Variants in LMNTD1 observed in about 807,000 individuals in gnomAD.
LMNTD1 encodes lamin tail domain-containing protein 1.
In LMNTD1, 35 loss-of-function variants were observed where a neutral mutation model predicts 50.9. That is an observed-to-expected ratio of 0.69 (90% CI 0.53 to 0.91). The LOEUF is 0.91. LMNTD1 is among the 40% of genes least tolerant of loss of function. The pLI is 0.00. For synonymous variants in LMNTD1, 153 were observed against 161.9 expected (o/e 0.94, Z 0.42); for missense variants, 470 against 475.5 (o/e 0.99, Z 0.11).
At chr12:25,540,988 A>G (rs1339252105) in intron 4 of LMNTD1, among the ~76,000 whole-genome samples, 1 of 135,794 alleles carries the variant, frequency 7.4e-6, no homozygotes. Flanking sequence ...TGCTTCAAAG[A>G]GAATAAAATA....
chr12:25,594,651 C>CAAAAAAAA (rs61299586), intron 1 of LMNTD1, among the ~76,000 whole-genome samples: 738 of 69,842 alleles, frequency 0.011, no homozygotes, highest in Non-Finnish European at 0.013. Context: ...AACAGAAATA[C>CAAAAAAAA]AAAAAAAAAA....
intron 1 of LMNTD1, among the ~76,000 whole-genome samples, chr12:25,626,885 A>C (rs1001079593): frequency 6.6e-6 from 1 of 152,254 alleles, no homozygotes; most frequent in Non-Finnish European, 1.5e-5. Context: ...TTGATCAAAA[A>C]GATTTATTTT....
intron 9 of LMNTD1, among the ~76,000 whole-genome samples, chr12:25,499,554 G>A (rs1169532750): frequency 6.6e-6 from 1 of 152,086 alleles, no homozygotes; most frequent in Admixed American, 6.5e-5. Flanking sequence ...TTTACTTCTG[G>A]TTTTGAATAT....
rs35389461 is a variant in LMNTD1, at chr12:25,516,456, TA to T, written c.1189+2338del. Reference sequence around the variant, plus strand: ...AATAAGTTGTTCTGAATAAGTAAACTAGTGAAGATGATCATTAATTAAAGAA... The same window carrying T: ...AATAAGTTGTTCTGAATAAGTAAACTGTGAAGATGATCATTAATTAAAGAA... On this transcript the variant is annotated intron_variant, in intron 8 of 9. Coordinates refer to ENST00000458174, the MANE Select transcript of LMNTD1 (RefSeq NM_001145728.2). 5.7e-3 allele frequency among the ~76,000 whole-genome samples: 870 copies of T among 152,300 alleles called. 9 individuals are homozygous for T. The highest frequency in any genetic ancestry group is 0.031 in the Middle Eastern group (9 of 294).
chr12:25,495,330 T>C (rs1939026243), intron 9 of LMNTD1, among the ~76,000 whole-genome samples: 1 of 151,502 alleles, frequency 6.6e-6, no homozygotes, highest in South Asian at 2.1e-4. Flanking sequence ...TATAAAGCAG[T>C]AGGTAAAGTT....
intron 6 of LMNTD1, 28 bp from the exon 7 acceptor site, chr12:25,520,103 C>T (rs1303033391): frequency 1.4e-6 from 2 of 1,411,056 alleles, no homozygotes; most frequent in African/African-American, 1.5e-5. Context: ...TTAATGTTGG[C>T]TATGTATATT....
At chr12:25,646,251 A>G (rs752270439) in intron 1 of LMNTD1, among the ~76,000 whole-genome samples, 3 of 151,832 alleles carry the variant, frequency 2.0e-5, no homozygotes, top group Non-Finnish European at 4.4e-5. Flanking sequence ...GCATATGGAA[A>G]GTAGAGCTCA....
intron 1 of LMNTD1, among the ~76,000 whole-genome samples, chr12:25,574,066 G>A (rs893729193): frequency 1.4e-4 from 21 of 152,124 alleles, no homozygotes; most frequent in African/African-American, 5.1e-4. Context: ...CTTTAGGACA[G>A]AACTCAATGC....
intron 8 of LMNTD1, among the ~76,000 whole-genome samples, chr12:25,509,660 C>T (rs947244551): frequency 2.0e-5 from 3 of 152,038 alleles, no homozygotes; most frequent in Non-Finnish European, 2.9e-5. Flanking sequence ...ATAGGGTATT[C>T]GGAGATGTAA....
chr12:25,541,467 G>T (rs1273717087), intron 4 of LMNTD1, among the ~76,000 whole-genome samples: 1 of 123,820 alleles, frequency 8.1e-6, no homozygotes, highest in African/African-American at 2.9e-5. Context: ...ACAAGCAATG[G>T]GGAAAGGATT....
At chr12:25,598,677 A>T (rs182279036) in intron 1 of LMNTD1, among the ~76,000 whole-genome samples, 1 of 146,814 alleles carries the variant, frequency 6.8e-6, no homozygotes, top group Admixed American at 7.0e-5. Context: ...ATTACAATTG[A>T]TACTGCAGAA....
Position 25,553,097 on chromosome 12 carries a change from G to C in LMNTD1, c.-59C>G. On this transcript the variant is annotated 5_prime_UTR_variant, in exon 1 of 10. Transcript: ENST00000458174. The stretch of plus-strand genomic sequence containing the variant: ...TTAATCCAACTACCTTCAAGCATCA[G>C]CTAGGTTTAATAATTTCTTTACCAA... 6.2e-7 allele frequency: 1 copy of C among 1,613,542 alleles called. No homozygotes were observed. The highest frequency in any genetic ancestry group is 8.5e-7 in the Non-Finnish European group (1 of 1,179,840).
chr12:25,523,269 T>A (rs1941474253), intron 6 of LMNTD1, among the ~76,000 whole-genome samples: 1 of 152,166 alleles, frequency 6.6e-6, no homozygotes, highest in Non-Finnish European at 1.5e-5. Context: ...CCTGACCTTG[T>A]GATCCGCCCG....
chr12:25,586,461 T>A (rs1945526772), intron 1 of LMNTD1, among the ~76,000 whole-genome samples: 1 of 152,206 alleles, frequency 6.6e-6, no homozygotes, highest in Non-Finnish European at 1.5e-5. Flanking sequence ...GTCTTATTTC[T>A]TAGTAGCAAA....
At chr12:25,540,897 T>C (rs1028051998) in intron 4 of LMNTD1, among the ~76,000 whole-genome samples, 13 of 133,428 alleles carry the variant, frequency 9.7e-5, no homozygotes, top group Non-Finnish European at 1.7e-4. Context: ...ACAAAATCAA[T>C]GTGCAAAAAT....
intron 3 of LMNTD1, among the ~76,000 whole-genome samples, chr12:25,548,508 T>C (rs140724768): frequency 5.3e-4 from 80 of 152,088 alleles, no homozygotes; most frequent in Middle Eastern, 3.4e-3. Flanking sequence ...ATTTATTATG[T>C]GCTAGGTAAT....
intron 1 of LMNTD1, among the ~76,000 whole-genome samples, chr12:25,577,752 G>T (rs1179604033): frequency 1.3e-5 from 2 of 152,164 alleles, no homozygotes; most frequent in East Asian, 1.9e-4. Context: ...GGGCATCCTT[G>T]TCTTGTGCCA....
intron 4 of LMNTD1, among the ~76,000 whole-genome samples, chr12:25,530,958 G>T (rs992792816): frequency 3.9e-5 from 6 of 152,132 alleles, no homozygotes; most frequent in African/African-American, 1.2e-4. Flanking sequence ...GAGCTGCAGC[G>T]GGAGGGAAGT....
At chr12:25,561,403 A>T (rs896346071) in intron 1 of LMNTD1, among the ~76,000 whole-genome samples, 5 of 152,200 alleles carry the variant, frequency 3.3e-5, no homozygotes, top group Admixed American at 6.5e-5. Flanking sequence ...TTATGTACCC[A>T]GTAGTCATTC....
Sources: gnomAD v4.1 joint callset for allele counts (sites outside exome capture counted in the v4.1 genomes callset) on GRCh38, gnomAD v4.1.1 for gene constraint, MANE v1.5 for transcripts, NCBI Gene and HGNC (gene_info 2026-07-23, HGNC 2026-07-21) for gene names.